The following C16orf87 variants were observed in gnomAD, a reference collection of about 807,000 sequenced individuals.
C16orf87 encodes HDAC and MIER1 interacting protein 1.
A neutral mutation model predicts 21.0 loss-of-function variants in C16orf87; 13 were observed. The ratio of observed to expected loss-of-function variants is 0.62; its 90% CI spans 0.40 to 0.98. The LOEUF is 0.98. C16orf87 is among the 50% of genes least tolerant of loss of function. The pLI is 0.00. For synonymous variants in C16orf87, 49 were observed against 60.2 expected, an observed-to-expected ratio of 0.81 and a Z score of 0.86; for missense variants, 113 against 180.4, an observed-to-expected ratio of 0.63 and a Z score of 2.14.
intron 2 of C16orf87, among the ~76,000 whole-genome samples, chr16:46,818,706 T>C (rs987904975): frequency 6.6e-6 from 1 of 152,224 alleles, no homozygotes; most frequent in African/African-American, 2.4e-5. Context: ...CTTTTTAAAT[T>C]TGAGATAGAG....
Position 46,802,948 on chromosome 16 carries a change from A to G in C16orf87, c.*4T>C. On this transcript the variant is annotated 3_prime_UTR_variant, in exon 4 of 4. Coordinates refer to ENST00000285697, the MANE Select transcript of C16orf87 (RefSeq NM_001001436.4). ...GAAGTTTCAGCAGATTTTGCAAACA[A>G]GTATCAGAGAATAAGTCTTTGATTG... The G allele has an allele frequency of 7.2e-7, 1 of 1,391,362 alleles. No individual in the cohort carries two copies. The highest frequency in any genetic ancestry group is 1.0e-6 in the Non-Finnish European group (1 of 985,822). 86.2% of individuals were successfully genotyped at this position (1,391,362 alleles called of 1,614,324 possible).
chr16:46,816,467 G>A (rs1437974799), intron 2 of C16orf87, among the ~76,000 whole-genome samples: 2 of 152,154 alleles, frequency 1.3e-5, no homozygotes, highest in Admixed American at 6.5e-5. Flanking sequence ...CTGCTAAAGC[G>A]TAGGTGCTAA....
intron 1 of C16orf87, among the ~76,000 whole-genome samples, chr16:46,828,140 G>C (rs546316688): frequency 6.6e-6 from 1 of 151,726 alleles, no homozygotes; most frequent in Admixed American, 6.6e-5. Flanking sequence ...GTGTTAGCCA[G>C]GATGGTCTGG....
At chr16:46,805,606 C>T (rs1029918002) in intron 3 of C16orf87, among the ~76,000 whole-genome samples, 5 of 152,084 alleles carry the variant, frequency 3.3e-5, no homozygotes, top group Non-Finnish European at 7.4e-5. Context: ...TTGGTCTTAG[C>T]CTTTCATACT....
chr16:46,809,851 T>C, intron 2 of C16orf87, 66 bp from the exon 3 acceptor site: 1 of 1,001,228 alleles, frequency 1.0e-6, no homozygotes, highest in Non-Finnish European at 1.5e-6. Context: ...AAGTTCTCAT[T>C]GTCTTCCTTT....
At position 46,799,937 on chromosome 16, in the gene C16orf87, C is replaced by T. The variant is rs1483851166; in HGVS notation, c.*3015G>A. 2.0e-5 allele frequency: 3 copies of T among 152,158 alleles called. No homozygotes were observed. 9.4% of individuals were successfully genotyped at this position (152,158 alleles called of 1,614,324 possible). A position where few individuals can be genotyped will look rare whatever the true frequency, so the allele number is the denominator to read the frequency against. On this transcript the variant is annotated 3_prime_UTR_variant, in exon 4 of 4. Coordinates refer to ENST00000285697, the MANE Select transcript of C16orf87 (RefSeq NM_001001436.4). ...TACAGGTGTAAGCCACCATGCCTGG[C>T]CAATTAATACTTTATATAAAAGTAA... is the stretch of plus-strand genomic sequence containing the variant.
chr16:46,812,785 G>A (rs1009651158), intron 2 of C16orf87, among the ~76,000 whole-genome samples: 1 of 152,052 alleles, frequency 6.6e-6, no homozygotes, highest in African/African-American at 2.4e-5. Context: ...ATCTATTCCA[G>A]TATAGTTCCT....
At chr16:46,816,626 T>G (rs1004649545) in intron 2 of C16orf87, among the ~76,000 whole-genome samples, 2 of 152,096 alleles carry the variant, frequency 1.3e-5, no homozygotes, top group African/African-American at 4.8e-5. Context: ...CTAATAGATA[T>G]CCCTATGACA....
chr16:46,806,440 T>C (rs543798849), intron 3 of C16orf87, among the ~76,000 whole-genome samples: 1 of 152,074 alleles, frequency 6.6e-6, no homozygotes. Context: ...TTTGTATTTT[T>C]AGTAGAGACG....
At chr16:46,810,731 G>T (rs1968055331) in intron 2 of C16orf87, among the ~76,000 whole-genome samples, 1 of 152,186 alleles carries the variant, frequency 6.6e-6, no homozygotes, top group Non-Finnish European at 1.5e-5. Flanking sequence ...GAATTAATCT[G>T]AAGTTTCAAA....
At position 46,800,688 on chromosome 16, in the gene C16orf87, A is replaced by G. The variant is rs777626600; in HGVS notation, c.*2264T>C. 1 of 152,200 alleles carries G rather than the reference A, an allele frequency of 6.6e-6. No individual in the cohort carries two copies. Among genetic ancestry groups the G allele is most frequent in the Non-Finnish European group, 1.5e-5 (1 of 68,028 alleles). 9.4% of individuals were successfully genotyped at this position (152,200 alleles called of 1,614,324 possible). ...CTCTTAGGACATCTGCTGATGACAG[A>G]GGTTTCTCTGACACCAGTGACAAAG... On this transcript the variant is annotated 3_prime_UTR_variant, in exon 4 of 4. Transcript: ENST00000285697.
rs568051567 is a variant in C16orf87, at chr16:46,802,295, T to C, written c.*657A>G. 6.6e-6 allele frequency: 1 copy of C among 152,380 alleles called. No individual in the cohort carries two copies. The highest frequency in any genetic ancestry group is 2.1e-4 in the South Asian group (1 of 4,818). The allele number at this position is 152,380 out of a possible 1,614,324, so 9.4% of individuals were successfully genotyped here. ...AACAAGGTGTTTATATCTGAGTATA[T>C]CATTAAATGTTTTTCTTCATATAGC... On this transcript the variant is annotated 3_prime_UTR_variant, in exon 4 of 4. Transcript: ENST00000285697.
intron 1 of C16orf87, among the ~76,000 whole-genome samples, chr16:46,829,516 C>A (rs1464647874): frequency 6.6e-6 from 1 of 152,124 alleles, no homozygotes; most frequent in Non-Finnish European, 1.5e-5. Flanking sequence ...TTGTGCCTTA[C>A]AGAAATTGGA....
intron 1 of C16orf87, among the ~76,000 whole-genome samples, chr16:46,827,883 T>A (rs1342594030): frequency 6.7e-6 from 1 of 149,476 alleles, no homozygotes; most frequent in Non-Finnish European, 1.5e-5. Context: ...ATGCCCAGCC[T>A]GGATTTTTTA....
At chr16:46,819,731 C>T (rs4605188) in intron 2 of C16orf87, among the ~76,000 whole-genome samples, 149,654 of 151,878 alleles carry the variant, frequency 0.99, 73,762 homozygotes, top group East Asian at 1. Flanking sequence ...TCCTAGCACT[C>T]TGGGAGGCCG....
intron 2 of C16orf87, 34 bp downstream of exon 2, chr16:46,824,352 C>T: frequency 1.0e-6 from 1 of 958,828 alleles, no homozygotes; most frequent in Non-Finnish European, 1.6e-6. Flanking sequence ...ATTTCTACAT[C>T]AAAAAGCTAA....
At chr16:46,820,123 T>C (rs747477909) in intron 2 of C16orf87, among the ~76,000 whole-genome samples, 15 of 152,264 alleles carry the variant, frequency 9.9e-5, no homozygotes, top group Non-Finnish European at 1.8e-4. Context: ...GATTGGCATA[T>C]ATGAAAAACA....
rs1437708390 is a variant in C16orf87 at position 46,798,965 on chromosome 16, A to C, written c.*3987T>G. 1.3e-5 allele frequency: 2 copies of C among 152,238 alleles called. No homozygotes were observed. Among genetic ancestry groups the C allele is most frequent in the Non-Finnish European group, 2.9e-5 (2 of 68,044 alleles). The allele number at this position is 152,238 out of a possible 1,614,324, so 9.4% of individuals were successfully genotyped here. A position where few individuals can be genotyped will look rare whatever the true frequency, so the allele number is the denominator to read the frequency against. ...CAACAACAAAGTTATTTAATGCTTA[A>C]TGACTGAATGTTTCCCCCCTACAAC... On this transcript the variant is annotated 3_prime_UTR_variant, in exon 4 of 4. Transcript: ENST00000285697.
intron 3 of C16orf87, among the ~76,000 whole-genome samples, chr16:46,805,618 T>C (rs559385118): frequency 1.3e-5 from 2 of 152,356 alleles, no homozygotes; most frequent in East Asian, 3.9e-4. Flanking sequence ...TTTCATACTA[T>C]AATAGATGCT....
Sources: gnomAD v4.1 joint callset for allele counts (sites outside exome capture counted in the v4.1 genomes callset) on GRCh38, gnomAD v4.1.1 for gene constraint, MANE v1.5 for transcripts, NCBI Gene and HGNC (gene_info 2026-07-23, HGNC 2026-07-21) for gene names.